NAPB: variants seen among roughly 807,000 people sequenced by gnomAD.
The protein encoded by NAPB is beta-soluble NSF attachment protein.
A neutral mutation model predicts 44.7 loss-of-function variants in NAPB; 26 were observed. The ratio of observed to expected loss-of-function variants is 0.58; its 90% CI spans 0.43 to 0.81. The LOEUF (loss-of-function observed/expected upper bound fraction) is 0.81. Ranked by LOEUF, NAPB falls within the 30% of genes least tolerant of loss-of-function variation. The pLI, the probability that NAPB is intolerant of heterozygous loss-of-function variation, is 0.00. For synonymous variants in NAPB, 120 were observed against 116.8 expected (o/e 1.03, Z -0.18); for missense variants, 315 against 356.4 (o/e 0.88, Z 0.94).
intron 7 of NAPB, among the ~76,000 whole-genome samples, chr20:23,389,231 T>TAAAAAAAAAAAAAAAAAAAAAAAAAA (rs71330886): frequency 8.7e-6 from 1 of 115,404 alleles, no homozygotes; most frequent in Non-Finnish European, 1.8e-5. Context: ...GACTATTATT[T>TAAAAAAAAAAAAAAAAAAAAAAAAAA]AAAAAAAAAA....
chr20:23,379,009 G>C, intron 10 of NAPB: 1 of 151,884 alleles, frequency 6.6e-6, no homozygotes, highest in East Asian at 2.0e-4. Context: ...AGTAGAGACG[G>C]GGTTTCACCA....
intron 5 of NAPB, among the ~76,000 whole-genome samples, chr20:23,393,808 G>A (rs1171184468): frequency 6.6e-6 from 1 of 152,164 alleles, no homozygotes; most frequent in Non-Finnish European, 1.5e-5. Flanking sequence ...AAAAATGGAA[G>A]GGCACGGGGA....
intron 1 of NAPB, among the ~76,000 whole-genome samples, chr20:23,420,035 T>C (rs972564444): frequency 6.6e-6 from 1 of 152,224 alleles, no homozygotes; most frequent in Non-Finnish European, 1.5e-5. Context: ...TGTCTAGTCA[T>C]GCAATGGGTT....
chr20:23,415,474 ATC>A (rs1985937495), intron 1 of NAPB, among the ~76,000 whole-genome samples: 1 of 152,020 alleles, frequency 6.6e-6, no homozygotes, highest in Non-Finnish European at 1.5e-5. Flanking sequence ...CCCATCTGTA[ATC>A]CAAGCTACTC....
chr20:23,392,144 C>A (rs182168811), intron 5 of NAPB, among the ~76,000 whole-genome samples: 1 of 152,164 alleles, frequency 6.6e-6, no homozygotes. Flanking sequence ...TGATGGTGAG[C>A]GGAACAGTCA....
intron 7 of NAPB, among the ~76,000 whole-genome samples, chr20:23,385,111 T>G (rs1983380669): frequency 6.8e-6 from 1 of 147,252 alleles, no homozygotes; most frequent in South Asian, 2.2e-4. Context: ...AGAGCAAGAC[T>G]CTGTCTCAAA....
Position 23,397,164 on chromosome 20 carries a change from G to C in NAPB, c.203C>G (p.Ala68Gly). The stretch of plus-strand genomic sequence containing the variant: ...CTGAAGCTGCATGTGGAGCTTGGCT[G>C]CCTGACAAAATGCGTTTCCTGCAGC... ...WSAAGNAFCQ[A>G]AKLHMQLQSK... Residue 68 changes from alanine (A) to glycine (G), a missense_variant, in exon 3 of 11, where the codon GCA (alanine) becomes GGA (glycine). Physicochemically the swap from Ala to Gly is moderately conservative, Grantham distance 60. Transcript: ENST00000377026. 6.2e-7 allele frequency: 1 copy of C among 1,612,592 alleles called. No homozygotes were observed. The highest frequency in any genetic ancestry group is 8.5e-7 in the Non-Finnish European group (1 of 1,178,912).
In NAPB at chr20:23,377,301, C is replaced by T. The variant is rs16985298; in HGVS notation, c.*75G>A. ...CAACAAAATTAAGCCATTAAATAGG[C>T]ATCCCATAAAGATCACTTGACCCTA... On this transcript the variant is annotated 3_prime_UTR_variant, in exon 11 of 11. Transcript: ENST00000377026. The T allele has an allele frequency of 3.9e-3, 3,355 of 869,846 alleles. 78 individuals carry two copies. The African/African-American group carries it at 0.051, about 13-fold the overall frequency. The allele number at this position is 869,846 out of a possible 1,614,324, so 53.9% of individuals were successfully genotyped here.
chr20:23,398,418 G>A (rs891936788), intron 2 of NAPB, among the ~76,000 whole-genome samples: 22 of 152,026 alleles, frequency 1.4e-4, no homozygotes, highest in African/African-American at 5.3e-4. Flanking sequence ...CACCCAGGCT[G>A]CAGTGCAGTG....
chr20:23,399,309 G>T (rs983751763), intron 2 of NAPB, among the ~76,000 whole-genome samples: 4 of 152,078 alleles, frequency 2.6e-5, no homozygotes, highest in Admixed American at 2.6e-4. Flanking sequence ...GGGCCTTTGG[G>T]GGAGTGATAA....
rs371289945 is a variant in NAPB, at chr20:23,395,272, G to C, written c.296-87C>G. The stretch of plus-strand genomic sequence containing the variant: ...GAGGCTGTCTTCCTGGCTGTTATCA[G>C]AACGTTAATGAGGTATAATTTTGGA... On this transcript the variant is annotated intron_variant, in intron 3 of 10. Transcript: ENST00000377026. 30 of 1,373,300 alleles carry C rather than the reference G, an allele frequency of 2.2e-5. 1 individual carries two copies. In the African/African-American group the frequency reaches 2.3e-4, roughly 11 times the overall value. 85.1% of individuals were successfully genotyped at this position (1,373,300 alleles called of 1,614,324 possible).
intron 5 of NAPB, among the ~76,000 whole-genome samples, chr20:23,394,241 C>G: frequency 6.6e-6 from 1 of 152,052 alleles, no homozygotes; most frequent in East Asian, 1.9e-4. Flanking sequence ...GCAGGGAGAC[C>G]GGTTTGAAGG....
At chr20:23,419,926 T>G (rs976644869) in intron 1 of NAPB, among the ~76,000 whole-genome samples, 3 of 152,210 alleles carry the variant, frequency 2.0e-5, no homozygotes, top group African/African-American at 7.2e-5. Flanking sequence ...GTATTATAAT[T>G]TATAGCCAAA....
chr20:23,390,515 T>C (rs1339197827), intron 5 of NAPB, among the ~76,000 whole-genome samples: 1 of 152,194 alleles, frequency 6.6e-6, no homozygotes, highest in Non-Finnish European at 1.5e-5. Context: ...GCTTCCTCCA[T>C]AGTGAGGGGC....
At chr20:23,416,813 T>C (rs1327146708) in intron 1 of NAPB, among the ~76,000 whole-genome samples, 7 of 152,208 alleles carry the variant, frequency 4.6e-5, no homozygotes, top group Non-Finnish European at 1.0e-4. Context: ...CCACCATATT[T>C]TGGCCAAACT....
At chr20:23,384,007 T>C (rs1057228004) in intron 7 of NAPB, among the ~76,000 whole-genome samples, 1 of 152,210 alleles carries the variant, frequency 6.6e-6, no homozygotes, top group Non-Finnish European at 1.5e-5. Context: ...TACACAAAGA[T>C]ATATACCATT....
chr20:23,379,524 A>G, intron 9 of NAPB, 29 bp from the exon 10 acceptor site: 1 of 1,549,610 alleles, frequency 6.5e-7, no homozygotes, highest in Non-Finnish European at 8.8e-7. Context: ...TTTAAAAAAC[A>G]GTTCTGTAAG....
At chr20:23,379,053 T>G (rs1020143505) in intron 10 of NAPB, 1 of 159,026 alleles carries the variant, frequency 6.3e-6, no homozygotes, top group Admixed American at 6.3e-5. Flanking sequence ...TCCTGACTCA[T>G]GATCTGCCTG....
chr20:23,374,631 T>C lies in NAPB; in HGVS notation c.*2745A>G, dbSNP rs1982346554. On this transcript the variant is annotated 3_prime_UTR_variant, in exon 11 of 11. Coordinates refer to ENST00000377026, the MANE Select transcript of NAPB (RefSeq NM_022080.3). ...GGAGCAGGAAGCCTGCTCTTGGTCA[T>C]AGCTCATACCACAGCAGGCAGGTCA... 6.6e-6 allele frequency: 1 copy of C among 152,178 alleles called. No individual in the cohort carries two copies. The highest frequency in any genetic ancestry group is 2.1e-4 in the South Asian group (1 of 4,834). The allele number at this position is 152,178 out of a possible 1,614,324, so 9.4% of individuals were successfully genotyped here.
Sources: allele counts gnomAD v4.1 joint callset (sites outside exome capture counted in the v4.1 genomes callset), GRCh38; gene constraint gnomAD v4.1.1; transcripts MANE v1.5; gene names NCBI Gene and HGNC (gene_info 2026-07-23, HGNC 2026-07-21).